ERC2: variants seen among roughly 807,000 people sequenced by gnomAD.
ERC2 encodes the protein ELKS/RAB6-interacting/CAST family member 2, also known as ERC protein 2.
In ERC2, 42 loss-of-function variants were observed where a neutral mutation model predicts 114.8. The observed-to-expected ratio is 0.37, with a 90% CI of 0.29 to 0.47. The LOEUF is 0.47. ERC2 is among the 20% of genes least tolerant of loss of function. The pLI, the probability that ERC2 is intolerant of heterozygous loss-of-function variation, is 0.99. For missense variants in ERC2, 939 were observed against 1,150.7 expected, an observed-to-expected ratio of 0.82 and a Z score of 2.66; for synonymous variants, 454 against 425.5, an observed-to-expected ratio of 1.07 and a Z score of -0.82.
chr3:56,369,070 T>C (rs544083972), intron 2 of ERC2, among the ~76,000 whole-genome samples: 125 of 152,328 alleles, frequency 8.2e-4, no homozygotes, highest in Non-Finnish European at 1.6e-3. Context: ...GGACAGCTTC[T>C]ACCCAAGGCA....
At chr3:56,327,365 G>A (rs1167196583) in intron 2 of ERC2, among the ~76,000 whole-genome samples, 2 of 152,290 alleles carry the variant, frequency 1.3e-5, no homozygotes, top group East Asian at 3.9e-4. Context: ...AGCATCATGA[G>A]AACAGCACGG....
intron 4 of ERC2, among the ~76,000 whole-genome samples, chr3:56,163,315 G>A (rs1175458803): frequency 6.6e-6 from 1 of 152,086 alleles, no homozygotes; most frequent in East Asian, 1.9e-4. Context: ...TATGTTCCAC[G>A]TGCAGGTGGG....
intron 14 of ERC2, among the ~76,000 whole-genome samples, chr3:55,753,415 A>AT (rs1189647428): frequency 6.6e-6 from 1 of 152,220 alleles, no homozygotes; most frequent in African/African-American, 2.4e-5. Context: ...TTCACAGAAG[A>AT]TCCCCCACAG....
intron 14 of ERC2, among the ~76,000 whole-genome samples, chr3:55,736,982 C>A (rs981561430): frequency 6.6e-6 from 1 of 152,114 alleles, no homozygotes; most frequent in Non-Finnish European, 1.5e-5. Context: ...CTGAAACATT[C>A]TAGACACTTT....
intron 2 of ERC2, among the ~76,000 whole-genome samples, chr3:56,316,615 T>TAC (rs149865319): frequency 0.01 from 1,560 of 151,786 alleles, 24 homozygotes; most frequent in African/African-American, 0.034. Context: ...CACAAACAGA[T>TAC]ACACACACAC....
In ERC2 at chr3:56,216,860, C is replaced by A. The variant is rs2049516286; in HGVS notation, c.1075-43340G>T. ...ACAAACGCAAATCAATAAAAATAAT[C>A]CAGCATATAAACAGAACCAAAGACA... On this transcript the variant is annotated intron_variant, in intron 3 of 17. Transcript: ENST00000288221. Among the ~76,000 whole-genome samples, 2 of 152,132 alleles carry A rather than the reference C, an allele frequency of 1.3e-5. 1 individual carries two copies.
intron 12 of ERC2, among the ~76,000 whole-genome samples, chr3:55,964,507 T>C (rs2068610840): frequency 6.6e-6 from 1 of 152,034 alleles, no homozygotes; most frequent in African/African-American, 2.4e-5. Context: ...ATAAAGCAAG[T>C]TATACACTCT....
chr3:56,014,873 G>A (rs11712143), intron 8 of ERC2, among the ~76,000 whole-genome samples: 1,552 of 152,170 alleles, frequency 0.01, 4 homozygotes, highest in Middle Eastern at 0.02. Context: ...TCATTCCAAT[G>A]TTACAAATAA....
intron 14 of ERC2, among the ~76,000 whole-genome samples, chr3:55,757,934 CAT>C (rs201131305): frequency 1.5e-4 from 22 of 151,066 alleles, no homozygotes; most frequent in Admixed American, 1.3e-4. Context: ...AGATAAATAT[CAT>C]ATATATATAT....
At chr3:55,592,570 A>G (rs2057942376) in intron 17 of ERC2, among the ~76,000 whole-genome samples, 1 of 152,116 alleles carries the variant, frequency 6.6e-6, no homozygotes, top group Non-Finnish European at 1.5e-5. Context: ...TTTATCTGGA[A>G]CCTGTTTTTC....
chr3:55,905,906 C>T (rs923723813), intron 13 of ERC2, among the ~76,000 whole-genome samples: 64 of 152,220 alleles, frequency 4.2e-4, no homozygotes, highest in Non-Finnish European at 1.6e-4. Flanking sequence ...AGCTGCCTGC[C>T]TCCCACCTGT....
rs2064748973 is a variant in ERC2, at chr3:55,910,682, AT to A, written c.2404-22134del. Among the ~76,000 whole-genome samples the A allele has an allele frequency of 2.0e-5, 3 of 152,162 alleles. No individual in the cohort carries two copies. In the South Asian group the frequency reaches 6.2e-4, roughly 32 times the overall value. ...AGTATGAACAATCGTCTGTAATACCATTTATTTCTCACAGCACCCTGTTGAG... is the reference window on the plus strand; with the variant it reads ...AGTATGAACAATCGTCTGTAATACCATTATTTCTCACAGCACCCTGTTGAG... On this transcript the variant is annotated intron_variant, in intron 13 of 17. Coordinates refer to ENST00000288221, the MANE Select transcript of ERC2 (RefSeq NM_015576.3).
intron 17 of ERC2, among the ~76,000 whole-genome samples, chr3:55,555,209 C>T (rs1156466234): frequency 1.3e-5 from 2 of 152,208 alleles, no homozygotes; most frequent in Non-Finnish European, 2.9e-5. Flanking sequence ...ACTCTGCATC[C>T]ACAACTACTG....
At chr3:55,802,775 T>A (rs547420451) in intron 14 of ERC2, among the ~76,000 whole-genome samples, 1 of 152,322 alleles carries the variant, frequency 6.6e-6, no homozygotes, top group South Asian at 2.1e-4. Flanking sequence ...TTTTTTTTTC[T>A]GAAGGATTAA....
intron 17 of ERC2, among the ~76,000 whole-genome samples, chr3:55,533,278 G>A (rs901557924): frequency 6.6e-6 from 1 of 152,216 alleles, no homozygotes; most frequent in African/African-American, 2.4e-5. Context: ...GGGTGCTTGG[G>A]TGAGAGACGG....
intron 14 of ERC2, among the ~76,000 whole-genome samples, chr3:55,873,717 C>T (rs2062695485): frequency 6.6e-6 from 1 of 152,104 alleles, no homozygotes; most frequent in South Asian, 2.1e-4. Flanking sequence ...GTCCTTCTGC[C>T]ACAGGGCCTT....
chr3:56,070,466 TTTAA>T (rs1004784297), intron 7 of ERC2, among the ~76,000 whole-genome samples: 4 of 119,426 alleles, frequency 3.3e-5, no homozygotes, highest in African/African-American at 1.3e-4. Flanking sequence ...ACAAACCTTT[TTTAA>T]AAAAAAAAAA....
chr3:56,449,007 A>G (rs1465467221), intron 1 of ERC2, among the ~76,000 whole-genome samples: 1 of 150,202 alleles, frequency 6.7e-6, no homozygotes, highest in African/African-American at 2.5e-5. Context: ...CCCAGGAGGC[A>G]GAGCTTGCAG....
At chr3:56,206,945 T>C (rs972267337) in intron 3 of ERC2, among the ~76,000 whole-genome samples, 1 of 152,202 alleles carries the variant, frequency 6.6e-6, no homozygotes, top group Non-Finnish European at 1.5e-5. Context: ...CTGCAATATA[T>C]AATTTCTCCC....
Sources: gnomAD v4.1 joint callset for allele counts (sites outside exome capture counted in the v4.1 genomes callset) on GRCh38, gnomAD v4.1.1 for gene constraint, MANE v1.5 for transcripts, NCBI Gene and HGNC (gene_info 2026-07-23, HGNC 2026-07-21) for gene names.